IQGAP2: variants seen among roughly 807,000 people sequenced by gnomAD.
The protein encoded by IQGAP2 is ras GTPase-activating-like protein IQGAP2.
IQGAP2 carries 173 observed loss-of-function variants against 201.3 expected under a neutral mutation model. The ratio of observed to expected loss-of-function variants is 0.86; its 90% CI spans 0.76 to 0.98. The LOEUF is 0.98. IQGAP2 is among the 50% of genes least tolerant of loss of function. The pLI, the probability that IQGAP2 is intolerant of heterozygous loss-of-function variation, is 0.00. For synonymous variants in IQGAP2, 675 were observed against 673.9 expected (o/e 1.00, Z -0.03); for missense variants, 1,687 against 1,864.8 (o/e 0.90, Z 1.76).
At chr5:76,533,744 T>G (rs2150210268) in intron 2 of IQGAP2, among the ~76,000 whole-genome samples, 1 of 152,302 alleles carries the variant, frequency 6.6e-6, no homozygotes, top group South Asian at 2.1e-4. Flanking sequence ...TTCACCGTGT[T>G]AGCCAGGATG....
chr5:76,516,959 C>A (rs1333683308), intron 2 of IQGAP2, among the ~76,000 whole-genome samples: 1 of 152,068 alleles, frequency 6.6e-6, no homozygotes, highest in African/African-American at 2.4e-5. Context: ...AGTAATATAT[C>A]TAGAAGGCAA....
chr5:76,575,685 T>C lies in IQGAP2; in HGVS notation c.382-8T>C. On this transcript the variant is annotated splice_polypyrimidine_tract_variant and splice_region_variant and intron_variant, in intron 4 of 35. Coordinates refer to ENST00000274364, the MANE Select transcript of IQGAP2 (RefSeq NM_006633.5). The stretch of plus-strand genomic sequence containing the variant: ...CATATAATAAATATTGTTTCTTTTG[T>C]TTTCCAGATATTTTATCCAGAAACA... The C allele has an allele frequency of 6.5e-7, 1 of 1,532,896 alleles. No homozygotes were observed. The highest frequency in any genetic ancestry group is 1.4e-5 in the African/African-American group (1 of 72,342). The allele number at this position is 1,532,896 out of a possible 1,614,324, so 95.0% of individuals were successfully genotyped here.
chr5:76,439,359 TTGTTCTAGAG>T (rs1752898657), intron 1 of IQGAP2, among the ~76,000 whole-genome samples: 1 of 152,242 alleles, frequency 6.6e-6, no homozygotes, highest in Non-Finnish European at 1.5e-5. Context: ...TTAGGTTCAT[TTGTTCTAGAG>T]TGTGGTTTAA....
At position 76,674,502 on chromosome 5, in the gene IQGAP2, G is replaced by A. The variant is rs1447856103; in HGVS notation, c.3320G>A (p.Arg1107Gln). ...ATTGTTGGAAACCTCCTGTACTATCGGTACATGAATCCAGCCATTGTAGCT... is the reference window on the plus strand; with the variant it reads ...ATTGTTGGAAACCTCCTGTACTATCAGTACATGAATCCAGCCATTGTAGCT... ...LKIVGNLLYYRYMNPAIVAPD... is the reference protein window; with the variant it reads ...LKIVGNLLYYQYMNPAIVAPD... Residue 1107 changes from arginine (R) to glutamine (Q), a missense_variant, in exon 27 of 36, where the codon CGG becomes CAG. Arg to Gln is a conservative substitution (Grantham distance 43, BLOSUM62 1). Coordinates refer to ENST00000274364, the MANE Select transcript of IQGAP2 (RefSeq NM_006633.5). The A allele has an allele frequency of 1.9e-6, 3 of 1,613,274 alleles. No individual in the cohort carries two copies. The highest frequency in any genetic ancestry group is 1.3e-5 in the African/African-American group (1 of 74,928).
rs556149963 is a variant in IQGAP2 at position 76,513,860 on chromosome 5, A to G, written c.147-48536A>G. Among the ~76,000 whole-genome samples the G allele has an allele frequency of 4.0e-5, 6 of 151,706 alleles. No individual in the cohort carries two copies. In the South Asian group the frequency reaches 1.0e-3, roughly 26 times the overall value. ...CATGAACTATGGATTATAGTTATTA[A>G]TAACATATGGATATTGGCTCATCCA... On this transcript the variant is annotated intron_variant, in intron 2 of 35. Coordinates refer to ENST00000274364, the MANE Select transcript of IQGAP2 (RefSeq NM_006633.5).
intron 1 of IQGAP2, among the ~76,000 whole-genome samples, chr5:76,459,242 T>TG (rs1444523247): frequency 7.9e-5 from 12 of 152,150 alleles, no homozygotes; most frequent in Admixed American, 1.3e-4. Flanking sequence ...GAGGCAGTTG[T>TG]GGGCAGAGGC....
At chr5:76,427,741 G>C (rs1752093741) in intron 1 of IQGAP2, among the ~76,000 whole-genome samples, 1 of 152,190 alleles carries the variant, frequency 6.6e-6, no homozygotes, top group Non-Finnish European at 1.5e-5. Context: ...GGCACTGCAG[G>C]TCTCCAGGCC....
chr5:76,470,079 C>T (rs540543074), intron 2 of IQGAP2, among the ~76,000 whole-genome samples: 1 of 152,252 alleles, frequency 6.6e-6, no homozygotes, highest in South Asian at 2.1e-4. Flanking sequence ...GTGACACTGG[C>T]AGGATTCAGT....
At chr5:76,638,627 A>G (rs1751331967) in intron 16 of IQGAP2, among the ~76,000 whole-genome samples, 2 of 152,114 alleles carry the variant, frequency 1.3e-5, no homozygotes, top group Non-Finnish European at 2.9e-5. Context: ...CAAAAGAGCT[A>G]TTTTCAGTTT....
At chr5:76,585,519 C>CTT (rs796557657) in intron 5 of IQGAP2, among the ~76,000 whole-genome samples, 1 of 143,046 alleles carries the variant, frequency 7.0e-6, no homozygotes, top group African/African-American at 2.6e-5. Flanking sequence ...TTCTTTTTTT[C>CTT]TTTTTTTTTT....
At chr5:76,677,022 G>C in intron 27 of IQGAP2, 196 bp from the exon 28 acceptor site, 2 of 534,056 alleles carry the variant, frequency 3.7e-6, no homozygotes, top group East Asian at 3.1e-5. Flanking sequence ...TGTTTGAGGA[G>C]CTGGGTCCAA....
chr5:76,581,436 A>G (rs549522610), intron 5 of IQGAP2, among the ~76,000 whole-genome samples: 1 of 152,322 alleles, frequency 6.6e-6, no homozygotes, highest in East Asian at 1.9e-4. Flanking sequence ...AGTATTTGGA[A>G]GTAAGGTGAG....
intron 20 of IQGAP2, among the ~76,000 whole-genome samples, chr5:76,658,225 G>C (rs1742927894): frequency 6.6e-6 from 1 of 152,130 alleles, no homozygotes; most frequent in African/African-American, 2.4e-5. Flanking sequence ...GGATAAAAGG[G>C]GAGTTGATAA....
At position 76,703,194 on chromosome 5, in the gene IQGAP2, C is replaced by T. The variant is rs1224923093; in HGVS notation, c.4614+604C>T. Among the ~76,000 whole-genome samples, 4 of 152,026 alleles carry T rather than the reference C, an allele frequency of 2.6e-5. No individual in the cohort carries two copies. The East Asian group carries it at 5.8e-4, about 22-fold the overall frequency. Reference sequence around the variant, plus strand: ...GCATTGAGAAAGGGTCTTGCTCTGTCGCCCAGGCTGGAATACAGTGGCACA... The same window carrying T: ...GCATTGAGAAAGGGTCTTGCTCTGTTGCCCAGGCTGGAATACAGTGGCACA... On this transcript the variant is annotated intron_variant, in intron 35 of 35. Coordinates refer to ENST00000274364, the MANE Select transcript of IQGAP2 (RefSeq NM_006633.5).
chr5:76,558,622 G>A (rs1407423995), intron 2 of IQGAP2, among the ~76,000 whole-genome samples: 2 of 152,150 alleles, frequency 1.3e-5, no homozygotes, highest in Non-Finnish European at 2.9e-5. Flanking sequence ...AGATGTGAAT[G>A]ATATGCATGA....
chr5:76,403,610 C>A lies in IQGAP2; in HGVS notation c.46+19C>A. The A allele has an allele frequency of 6.6e-7, 1 of 1,521,084 alleles. No individual in the cohort carries two copies. Among genetic ancestry groups the A allele is most frequent in the Non-Finnish European group, 8.8e-7 (1 of 1,137,056 alleles). 94.2% of individuals were successfully genotyped at this position (1,521,084 alleles called of 1,614,324 possible). Reference sequence around the variant, plus strand: ...TATGGCTGTAAGTGCGCCGGGCGCGCGGGGTTCCTGCTGGCCTTGGGGAGC... The same window carrying A: ...TATGGCTGTAAGTGCGCCGGGCGCGAGGGGTTCCTGCTGGCCTTGGGGAGC... On this transcript the variant is annotated intron_variant, in intron 1 of 35. Coordinates refer to ENST00000274364, the MANE Select transcript of IQGAP2 (RefSeq NM_006633.5). This position sits in a 1 kb window ranked among gnomAD's most constrained non-coding sequence, Gnocchi z 4.8.
intron 1 of IQGAP2, among the ~76,000 whole-genome samples, chr5:76,446,056 G>A (rs1481913266): frequency 1.3e-5 from 2 of 152,154 alleles, no homozygotes; most frequent in Non-Finnish European, 2.9e-5. Context: ...TGCCTTGTAT[G>A]TATATACCAC....
chr5:76,550,205 G>T (rs1320803233), intron 2 of IQGAP2, among the ~76,000 whole-genome samples: 4 of 152,130 alleles, frequency 2.6e-5, no homozygotes, highest in Non-Finnish European at 5.9e-5. Flanking sequence ...TTCCAAAAGG[G>T]AAAACTTGGA....
At chr5:76,602,978 T>G (rs1747534599) in intron 11 of IQGAP2, among the ~76,000 whole-genome samples, 1 of 152,252 alleles carries the variant, frequency 6.6e-6, no homozygotes, top group African/African-American at 2.4e-5. Context: ...AACATTAGCC[T>G]TGGGCATACA....
Sources: allele counts gnomAD v4.1 joint callset (sites outside exome capture counted in the v4.1 genomes callset), GRCh38; gene constraint gnomAD v4.1.1; non-coding constraint Gnocchi (gnomAD v3.1); transcripts MANE v1.5; gene names NCBI Gene and HGNC (gene_info 2026-07-23, HGNC 2026-07-21).